The following NRXN1 variants were observed in gnomAD, a reference collection of about 807,000 sequenced individuals.
The protein encoded by NRXN1 is neurexin-1.
A neutral mutation model predicts 150.9 loss-of-function variants in NRXN1; 39 were observed. That is an observed-to-expected ratio of 0.26 (90% CI 0.20 to 0.34). The LOEUF (loss-of-function observed/expected upper bound fraction) is 0.34. Among genes scored for constraint, NRXN1 ranks in the 10% least tolerant of loss-of-function variants. The pLI is 1.00. For synonymous variants in NRXN1, 924 were observed against 757.0 expected (o/e 1.22, Z -3.62); for missense variants, 1,815 against 1,949.9 (o/e 0.93, Z 1.30).
chr2:50,069,585 T>C (rs1023523423), intron 19 of NRXN1, among the ~76,000 whole-genome samples: 1 of 152,226 alleles, frequency 6.6e-6, no homozygotes, highest in Non-Finnish European at 1.5e-5. Context: ...TAAAACTAAC[T>C]TATGGTGCCT....
At chr2:50,163,309 T>C (rs143186040) in intron 18 of NRXN1, among the ~76,000 whole-genome samples, 1 of 152,062 alleles carries the variant, frequency 6.6e-6, no homozygotes, top group East Asian at 1.9e-4. Flanking sequence ...TGGCAATCAA[T>C]CATTAACCAT....
intron 9 of NRXN1, among the ~76,000 whole-genome samples, chr2:50,544,407 T>C (rs1402008155): frequency 6.6e-6 from 1 of 152,098 alleles, no homozygotes; most frequent in Non-Finnish European, 1.5e-5. Context: ...ACCAATGTTA[T>C]CTATGAGGTT....
intron 2 of NRXN1, among the ~76,000 whole-genome samples, chr2:51,021,816 T>C (rs10168826): frequency 0.045 from 6,825 of 152,126 alleles, 212 homozygotes; most frequent in East Asian, 0.09. Context: ...CAATAAGCTA[T>C]TAATATAGTA....
chr2:50,546,165 G>T (rs2093489727), intron 9 of NRXN1, among the ~76,000 whole-genome samples: 1 of 151,990 alleles, frequency 6.6e-6, no homozygotes, highest in Non-Finnish European at 1.5e-5. Context: ...AGAGTGCATG[G>T]GGAACATGGA....
chr2:50,417,263 C>T (rs956975856), intron 17 of NRXN1: 8 of 152,080 alleles, frequency 5.3e-5, no homozygotes, highest in African/African-American at 1.9e-4. Context: ...GATCTGGATA[C>T]ACATTTCAAG....
At chr2:50,760,409 C>CA (rs1052994415) in intron 5 of NRXN1, among the ~76,000 whole-genome samples, 2 of 151,798 alleles carry the variant, frequency 1.3e-5, no homozygotes, top group African/African-American at 4.8e-5. Flanking sequence ...GCCTTACCAG[C>CA]AAAATCCCTA....
intron 21 of NRXN1, among the ~76,000 whole-genome samples, chr2:49,959,311 G>T (rs1675506394): frequency 6.6e-6 from 1 of 152,120 alleles, no homozygotes; most frequent in Non-Finnish European, 1.5e-5. Flanking sequence ...TGACTGCTTT[G>T]CTACCTGAAA....
At chr2:50,670,150 T>G (rs1209418030) in intron 5 of NRXN1, among the ~76,000 whole-genome samples, 1 of 151,906 alleles carries the variant, frequency 6.6e-6, no homozygotes, top group Non-Finnish European at 1.5e-5. Context: ...ATGTATCTAA[T>G]GAATAAATAC....
intron 18 of NRXN1, among the ~76,000 whole-genome samples, chr2:50,170,001 T>C (rs1178640427): frequency 6.6e-6 from 1 of 151,986 alleles, no homozygotes; most frequent in Non-Finnish European, 1.5e-5. Flanking sequence ...CTCAAATATT[T>C]CTGATCATGA....
At chr2:50,527,679 T>C (rs1392100619) in intron 12 of NRXN1, among the ~76,000 whole-genome samples, 1 of 152,180 alleles carries the variant, frequency 6.6e-6, no homozygotes, top group Non-Finnish European at 1.5e-5. Flanking sequence ...TTAAGACCTC[T>C]ATTTGTTCCT....
At chr2:50,528,789 T>A in intron 11 of NRXN1, 138 bp from the exon 12 acceptor site, 1 of 562,864 alleles carries the variant, frequency 1.8e-6, no homozygotes, top group South Asian at 2.5e-5. Context: ...ATTCTTTACA[T>A]ACTTATAAAG....
chr2:51,022,032 G>C (rs1393819367), intron 2 of NRXN1, among the ~76,000 whole-genome samples: 1 of 152,014 alleles, frequency 6.6e-6, no homozygotes, highest in Non-Finnish European at 1.5e-5. Flanking sequence ...ACAGAGGCTC[G>C]TTGTCTTTAT....
At chr2:50,126,054 A>G (rs1704538240) in intron 18 of NRXN1, among the ~76,000 whole-genome samples, 1 of 152,156 alleles carries the variant, frequency 6.6e-6, no homozygotes, top group East Asian at 1.9e-4. Context: ...CAGGAAAGAA[A>G]AAATTACAGT....
At chr2:50,840,130 T>C (rs907656533) in intron 5 of NRXN1, among the ~76,000 whole-genome samples, 1 of 152,188 alleles carries the variant, frequency 6.6e-6, no homozygotes, top group Admixed American at 6.5e-5. Flanking sequence ...GATTGAATGA[T>C]ATATAGTCTC....
intron 18 of NRXN1, among the ~76,000 whole-genome samples, chr2:50,178,511 G>T (rs1372683084): frequency 6.6e-6 from 1 of 151,900 alleles, no homozygotes; most frequent in Non-Finnish European, 1.5e-5. Flanking sequence ...ACCTACAGAA[G>T]GTTGGAAACA....
intron 5 of NRXN1, among the ~76,000 whole-genome samples, chr2:50,869,095 T>C (rs987293888): frequency 6.6e-6 from 1 of 151,888 alleles, no homozygotes; most frequent in African/African-American, 2.4e-5. Flanking sequence ...GTTTTCTCCC[T>C]TTTTTAAATT....
intron 8 of NRXN1, among the ~76,000 whole-genome samples, chr2:50,575,161 TTC>T (rs1296079311): frequency 5.3e-5 from 8 of 152,202 alleles, no homozygotes; most frequent in African/African-American, 1.7e-4. Flanking sequence ...CATTTTGAGA[TTC>T]TGTTATGCTT....
At chr2:50,391,637 GTTTA>G (rs2081713310) in intron 17 of NRXN1, among the ~76,000 whole-genome samples, 1 of 152,194 alleles carries the variant, frequency 6.6e-6, no homozygotes, top group African/African-American at 2.4e-5. Context: ...TCCTATTCTT[GTTTA>G]TTTAAGTTCC....
chr2:50,627,494 T>C (rs565463821), intron 5 of NRXN1, among the ~76,000 whole-genome samples: 1 of 151,630 alleles, frequency 6.6e-6, no homozygotes, highest in Admixed American at 6.6e-5. Context: ...CTGGGACTAT[T>C]GGTTATCTAT....
Sources: allele counts gnomAD v4.1 joint callset (sites outside exome capture counted in the v4.1 genomes callset), GRCh38; gene constraint gnomAD v4.1.1; transcripts MANE v1.5; gene names NCBI Gene and HGNC (gene_info 2026-07-23, HGNC 2026-07-21).